ANTXR1: variants seen among roughly 807,000 people sequenced by gnomAD.
ANTXR1 encodes the protein anthrax toxin receptor 1.
In ANTXR1, 19 loss-of-function variants were observed where a neutral mutation model predicts 78.1. That is an observed-to-expected ratio of 0.24 (90% CI 0.17 to 0.36). The LOEUF is 0.36. Ranked by LOEUF, ANTXR1 falls within the 10% of genes least tolerant of loss-of-function variation. The pLI is 1.00. For synonymous variants in ANTXR1, 273 were observed against 260.5 expected, an observed-to-expected ratio of 1.05 and a Z score of -0.46; for missense variants, 518 against 718.6, an observed-to-expected ratio of 0.72 and a Z score of 3.19.
chr2:69,193,510 ATCTT>A, intron 17 of ANTXR1, 95 bp downstream of exon 17: 6 of 1,132,468 alleles, frequency 5.3e-6, no homozygotes, highest in Non-Finnish European at 7.9e-6. Context: ...TTCTCTCTCC[ATCTT>A]TGTAGAGCTA....
intron 17 of ANTXR1, among the ~76,000 whole-genome samples, chr2:69,211,610 A>C (rs757662412): frequency 6.6e-6 from 1 of 152,238 alleles, no homozygotes; most frequent in Non-Finnish European, 1.5e-5. Context: ...TCTCTGCAGG[A>C]CTTCAAAGAT....
At chr2:69,113,305 C>T (rs1417366726) in intron 10 of ANTXR1, among the ~76,000 whole-genome samples, 1 of 152,178 alleles carries the variant, frequency 6.6e-6, no homozygotes, top group Non-Finnish European at 1.5e-5. Flanking sequence ...CCATGCAATA[C>T]TGCTCCTCTG....
chr2:69,064,386 A>G (rs1314584838), intron 3 of ANTXR1, among the ~76,000 whole-genome samples: 1 of 152,168 alleles, frequency 6.6e-6, no homozygotes, highest in Non-Finnish European at 1.5e-5. Flanking sequence ...TTTCCCTCAC[A>G]GTGGCTGCAA....
chr2:69,158,137 C>T (rs1673577313), intron 13 of ANTXR1, among the ~76,000 whole-genome samples: 1 of 152,162 alleles, frequency 6.6e-6, no homozygotes, highest in Non-Finnish European at 1.5e-5. Context: ...GCTGTAGGTC[C>T]CCAGAGCATA....
intron 10 of ANTXR1, among the ~76,000 whole-genome samples, chr2:69,120,803 T>G (rs1378033740): frequency 6.6e-6 from 1 of 152,200 alleles, no homozygotes; most frequent in East Asian, 1.9e-4. Flanking sequence ...AACAGCTGAT[T>G]CCAAATATGA....
chr2:69,143,901 C>T (rs1673144455), intron 12 of ANTXR1, among the ~76,000 whole-genome samples: 1 of 152,116 alleles, frequency 6.6e-6, no homozygotes, highest in African/African-American at 2.4e-5. Context: ...ATTTCAAAAA[C>T]ATGCAGGGCA....
chr2:69,211,013 AAG>A (rs1305854996), intron 17 of ANTXR1, among the ~76,000 whole-genome samples: 1 of 151,986 alleles, frequency 6.6e-6, no homozygotes. Flanking sequence ...TAAGATAAAG[AAG>A]AGAGAGATCT....
At chr2:69,165,702 C>G (rs893988719) in intron 13 of ANTXR1, among the ~76,000 whole-genome samples, 1 of 152,234 alleles carries the variant, frequency 6.6e-6, no homozygotes, top group African/African-American at 2.4e-5. Context: ...CAGCCGTCAT[C>G]TGGTAGGTGG....
At chr2:69,072,954 T>TCGTAA in intron 5 of ANTXR1, 68 bp from the exon 6 acceptor site, 6 of 1,470,832 alleles carry the variant, frequency 4.1e-6, no homozygotes, top group African/African-American at 1.4e-5. Flanking sequence ...GGTTGAATCC[T>TCGTAA]GGGACTGAGA....
intron 17 of ANTXR1, among the ~76,000 whole-genome samples, chr2:69,213,880 A>G (rs1176289345): frequency 6.6e-6 from 1 of 152,242 alleles, no homozygotes; most frequent in Non-Finnish European, 1.5e-5. Flanking sequence ...CAAGTGGATG[A>G]CCATGCCCCC....
chr2:69,123,957 G>T (rs1672442363), intron 11 of ANTXR1, among the ~76,000 whole-genome samples: 1 of 152,196 alleles, frequency 6.6e-6, no homozygotes, highest in Non-Finnish European at 1.5e-5. Flanking sequence ...AACTCTGGTT[G>T]CCCAGCATCA....
intron 15 of ANTXR1, 138 bp downstream of exon 15, chr2:69,182,019 A>G: frequency 3.6e-6 from 3 of 842,630 alleles, no homozygotes; most frequent in South Asian, 1.5e-5. Context: ...TGATGACTCA[A>G]TGTCAGAAAC....
chr2:69,091,412 C>T (rs961230801), intron 9 of ANTXR1, among the ~76,000 whole-genome samples: 4 of 130,808 alleles, frequency 3.1e-5, no homozygotes, highest in African/African-American at 1.1e-4. Context: ...CACCACTGCA[C>T]TCCAGCCTGG....
intron 1 of ANTXR1, among the ~76,000 whole-genome samples, chr2:69,026,124 A>T (rs1478984950): frequency 6.6e-6 from 1 of 152,208 alleles, no homozygotes; most frequent in African/African-American, 2.4e-5. Context: ...TAACACTCTG[A>T]ACTGTAATTG....
intron 13 of ANTXR1, among the ~76,000 whole-genome samples, chr2:69,161,487 A>G (rs1673680826): frequency 6.6e-6 from 1 of 152,212 alleles, no homozygotes; most frequent in Non-Finnish European, 1.5e-5. Flanking sequence ...AAACTTTTAC[A>G]GTGTAAAATT....
chr2:69,145,639 C>T, intron 12 of ANTXR1: 1 of 1,227,892 alleles, frequency 8.1e-7, no homozygotes, highest in Non-Finnish European at 1.0e-6. Context: ...GGGCATCAGG[C>T]AGAATCCTGG....
Position 69,247,652 on chromosome 2 carries a change from G to A in ANTXR1, c.*2167G>A, listed in dbSNP as rs988891901. 6.6e-6 allele frequency: 1 copy of A among 152,570 alleles called. No homozygotes were observed. The highest frequency in any genetic ancestry group is 1.5e-5 in the Non-Finnish European group (1 of 68,038). The allele number at this position is 152,570 out of a possible 1,614,324, so 9.5% of individuals were successfully genotyped here. On this transcript the variant is annotated 3_prime_UTR_variant, in exon 18 of 18. Coordinates refer to ENST00000303714, the MANE Select transcript of ANTXR1 (RefSeq NM_032208.3). ...TGGACCCCTGAAAACCATTCCATAG[G>A]AGAATGGGTTCCCCAGGCTCACAGT...
chr2:69,218,134 C>T lies in ANTXR1; in HGVS notation c.1434+24719C>T, dbSNP rs956202588. On this transcript the variant is annotated intron_variant, in intron 17 of 17. Transcript: ENST00000303714. The stretch of plus-strand genomic sequence containing the variant: ...CCTCAAATGAACAAGGTCAACCAAG[C>T]GGCAAAGGTTCTAACAGTTCATTCT... Among the ~76,000 whole-genome samples the T allele has an allele frequency of 5.3e-5, 8 of 152,132 alleles. 1 individual carries two copies. Among genetic ancestry groups the T allele is most frequent in the South Asian group, 4.2e-4 (2 of 4,816 alleles).
At chr2:69,046,522 C>T (rs1336834810) in intron 3 of ANTXR1, among the ~76,000 whole-genome samples, 1 of 152,132 alleles carries the variant, frequency 6.6e-6, no homozygotes, top group Non-Finnish European at 1.5e-5. Flanking sequence ...TTGTATGGGT[C>T]AAATGTGCAT....
Sources: allele counts gnomAD v4.1 joint callset (sites outside exome capture counted in the v4.1 genomes callset), GRCh38; gene constraint gnomAD v4.1.1; transcripts MANE v1.5; gene names NCBI Gene and HGNC (gene_info 2026-07-23, HGNC 2026-07-21).